PCCA: variants seen among roughly 807,000 people sequenced by gnomAD.
The protein encoded by PCCA is propionyl-CoA carboxylase subunit alpha.
In PCCA, 74 loss-of-function variants were observed where a neutral mutation model predicts 101.3. That is an observed-to-expected ratio of 0.73 (90% CI 0.61 to 0.89). The LOEUF (loss-of-function observed/expected upper bound fraction) is 0.89. Ranked by LOEUF, PCCA falls within the 40% of genes least tolerant of loss-of-function variation. PCCA has a pLI of 0.00. For missense variants in PCCA, 891 were observed against 907.0 expected, an observed-to-expected ratio of 0.98 and a Z score of 0.23; for synonymous variants, 294 against 313.6, an observed-to-expected ratio of 0.94 and a Z score of 0.66.
At position 100,418,797 on chromosome 13, in the gene PCCA, G is replaced by A. The variant is rs1267647588; in HGVS notation, c.1747-6836G>A. Among the ~76,000 whole-genome samples, 13 of 150,274 alleles carry A rather than the reference G, an allele frequency of 8.7e-5. No homozygotes were observed. The South Asian group carries it at 1.3e-3, about 15-fold the overall frequency. On this transcript the variant is annotated intron_variant, in intron 19 of 23. Coordinates refer to ENST00000376285, the MANE Select transcript of PCCA (RefSeq NM_000282.4). ...TGTAGTGAGCCAAGATCATGCCATCGTACTTCAGCCTGGGCAAGAGAGTGA... is the reference window on the plus strand; with the variant it reads ...TGTAGTGAGCCAAGATCATGCCATCATACTTCAGCCTGGGCAAGAGAGTGA...
intron 6 of PCCA, among the ~76,000 whole-genome samples, chr13:100,202,448 T>C (rs921652694): frequency 2.6e-5 from 4 of 152,000 alleles, no homozygotes; most frequent in South Asian, 2.1e-4. Context: ...AGTCTGATGA[T>C]TATTTAAATT....
At position 100,377,759 on chromosome 13, in the gene PCCA, G is replaced by T. The variant is rs1174388773; in HGVS notation, c.1746+9185G>T. 3.9e-5 allele frequency among the ~76,000 whole-genome samples: 6 copies of T among 152,242 alleles called. No individual in the cohort carries two copies. In the East Asian group the frequency reaches 1.2e-3, roughly 29 times the overall value. On this transcript the variant is annotated intron_variant, in intron 19 of 23. Transcript: ENST00000376285. ...TCCACCCGCCTCAGCCTCCCAAAGT[G>T]TTGGGATTACAGGGGTGAGCCACTG...
rs191266803 is a variant in PCCA, at chr13:100,323,277, A to G, written c.1430-7284A>G. Among the ~76,000 whole-genome samples the G allele has an allele frequency of 1.7e-4, 26 of 152,366 alleles. No homozygotes were observed. The East Asian group carries it at 4.8e-3, about 28-fold the overall frequency. On this transcript the variant is annotated intron_variant, in intron 16 of 23. Coordinates refer to ENST00000376285, the MANE Select transcript of PCCA (RefSeq NM_000282.4). ...TCTTGTAGGAAAGTTACACTTTCCA[A>G]ATAGATACAGGTGTAAACTCAGATT... is the stretch of plus-strand genomic sequence containing the variant.
intron 16 of PCCA, among the ~76,000 whole-genome samples, chr13:100,313,338 G>A (rs1227134787): frequency 6.6e-6 from 1 of 152,202 alleles, no homozygotes; most frequent in Non-Finnish European, 1.5e-5. Flanking sequence ...TAGAGAAAGA[G>A]TTTAATAAAC....
intron 21 of PCCA, among the ~76,000 whole-genome samples, chr13:100,509,944 T>G (rs1029072582): frequency 3.9e-5 from 6 of 152,186 alleles, no homozygotes; most frequent in Non-Finnish European, 8.8e-5. Flanking sequence ...TCAGGTATAG[T>G]TTACAAGCGT....
At chr13:100,376,202 C>T (rs2075890187) in intron 19 of PCCA, among the ~76,000 whole-genome samples, 1 of 152,212 alleles carries the variant, frequency 6.6e-6, no homozygotes, top group South Asian at 2.1e-4. Context: ...AAGATTGCTG[C>T]CTGTTCCTTC....
At chr13:100,284,301 C>T (rs138026104) in intron 12 of PCCA, among the ~76,000 whole-genome samples, 461 of 152,316 alleles carry the variant, frequency 3.0e-3, no homozygotes, top group Non-Finnish European at 5.0e-3. Flanking sequence ...CTATTATCTA[C>T]ATGAATATGA....
intron 6 of PCCA, among the ~76,000 whole-genome samples, chr13:100,208,845 G>A (rs372421605): frequency 3.3e-5 from 5 of 152,066 alleles, no homozygotes; most frequent in Non-Finnish European, 5.9e-5. Context: ...ATCTGTTCAC[G>A]TTTCCTGGAA....
chr13:100,103,007 G>T, intron 2 of PCCA, 47 bp downstream of exon 2: 1 of 1,277,898 alleles, frequency 7.8e-7, no homozygotes, highest in South Asian at 1.2e-5. Flanking sequence ...AACTTATCAT[G>T]GTTTTACTTT....
chr13:100,139,070 C>T (rs912846954), intron 4 of PCCA, among the ~76,000 whole-genome samples: 1 of 151,844 alleles, frequency 6.6e-6, no homozygotes, highest in Admixed American at 6.6e-5. Flanking sequence ...CATTATGTCA[C>T]TTCCTTCTGG....
At chr13:100,180,303 C>T (rs890465019) in intron 6 of PCCA, among the ~76,000 whole-genome samples, 2 of 152,196 alleles carry the variant, frequency 1.3e-5, no homozygotes, top group African/African-American at 2.4e-5. Context: ...TAGACGTCCT[C>T]ACTCCTTAAT....
At chr13:100,488,161 T>C (rs868861202) in intron 21 of PCCA, among the ~76,000 whole-genome samples, 63 of 152,320 alleles carry the variant, frequency 4.1e-4, no homozygotes, top group Admixed American at 8.5e-4. Flanking sequence ...TGGCACAATC[T>C]CGGCTCACCG....
chr13:100,449,018 T>C (rs1213773636), intron 20 of PCCA, among the ~76,000 whole-genome samples: 1 of 152,234 alleles, frequency 6.6e-6, no homozygotes, highest in African/African-American at 2.4e-5. Flanking sequence ...ATTCTGGACA[T>C]CTCTTATTAA....
chr13:100,252,171 C>A (rs2061797764), intron 8 of PCCA, among the ~76,000 whole-genome samples: 1 of 152,288 alleles, frequency 6.6e-6, no homozygotes, highest in African/African-American at 2.4e-5. Context: ...TTCTGAGGTC[C>A]TATTACCCAT....
At chr13:100,527,618 A>C (rs111263507) in intron 22 of PCCA, 57 bp from the exon 23 acceptor site, 8 of 1,176,586 alleles carry the variant, frequency 6.8e-6, no homozygotes, top group Non-Finnish European at 1.0e-5. Flanking sequence ...CTTCATTCCT[A>C]AGTGTTAATG....
chr13:100,206,430 C>A (rs531165149), intron 6 of PCCA, among the ~76,000 whole-genome samples: 2 of 152,100 alleles, frequency 1.3e-5, no homozygotes, highest in African/African-American at 4.8e-5. Context: ...CCATGCCTAG[C>A]TGATTTTTGT....
rs910872322 is a variant in PCCA at position 100,394,582 on chromosome 13, G to A, written c.1746+26008G>A. Among the ~76,000 whole-genome samples the A allele has an allele frequency of 6.6e-6, 1 of 152,092 alleles. No individual in the cohort carries two copies. Among genetic ancestry groups the A allele is most frequent in the Non-Finnish European group, 1.5e-5 (1 of 68,032 alleles). ...AGTAACTGAATCTGGTAACAGGGTAGTTGTTTGTTTCAGAAGCTTATATTA... is the reference window on the plus strand; with the variant it reads ...AGTAACTGAATCTGGTAACAGGGTAATTGTTTGTTTCAGAAGCTTATATTA... On this transcript the variant is annotated intron_variant, in intron 19 of 23. Coordinates refer to ENST00000376285, the MANE Select transcript of PCCA (RefSeq NM_000282.4). This position sits in a 1 kb window ranked among gnomAD's most constrained non-coding sequence, Gnocchi z 4.3.
rs1259366867 is a variant in PCCA at position 100,437,305 on chromosome 13, T to A, written c.1845+11574T>A. Among the ~76,000 whole-genome samples, 4 of 152,266 alleles carry A rather than the reference T, an allele frequency of 2.6e-5. No homozygotes were observed. The South Asian group carries it at 8.3e-4, about 32-fold the overall frequency. Reference sequence around the variant, plus strand: ...TCGGAAAAAGTCTAATCATTGTGGATAACTTTGAATATGGAGCTAGTGATA... The same window carrying A: ...TCGGAAAAAGTCTAATCATTGTGGAAAACTTTGAATATGGAGCTAGTGATA... On this transcript the variant is annotated intron_variant, in intron 20 of 23. Transcript: ENST00000376285.
At chr13:100,247,775 C>G (rs1021200269) in intron 8 of PCCA, among the ~76,000 whole-genome samples, 8 of 152,132 alleles carry the variant, frequency 5.3e-5, no homozygotes, top group Non-Finnish European at 8.8e-5. Context: ...CTCGGCCTCC[C>G]AAAGTGCTGG....
Sources: allele counts gnomAD v4.1 joint callset (sites outside exome capture counted in the v4.1 genomes callset), GRCh38; gene constraint gnomAD v4.1.1; non-coding constraint Gnocchi (gnomAD v3.1); transcripts MANE v1.5; gene names NCBI Gene and HGNC (gene_info 2026-07-23, HGNC 2026-07-21).